The following EXT1 variants were observed in gnomAD, a reference collection of about 807,000 sequenced individuals.
EXT1 encodes exostosin-1.
Under a neutral mutation model 82.5 loss-of-function variants are expected in EXT1, and 20 were observed. The ratio of observed to expected loss-of-function variants is 0.24; its 90% CI spans 0.17 to 0.35. The LOEUF (loss-of-function observed/expected upper bound fraction) is 0.35. Among genes scored for constraint, EXT1 ranks in the 10% least tolerant of loss-of-function variants. EXT1 has a pLI of 1.00. For synonymous variants in EXT1, 348 were observed against 350.8 expected, an observed-to-expected ratio of 0.99 and a Z score of 0.09; for missense variants, 757 against 936.5, an observed-to-expected ratio of 0.81 and a Z score of 2.50.
rs1430264779 is a variant in EXT1, at chr8:117,799,089, C to T, written c.*623G>A. ...AGAGATTTCAGTTAGAACTGCCTAC[C>T]TGGAAGTCGTAATACTTTCTTTCAT... On this transcript the variant is annotated 3_prime_UTR_variant, in exon 11 of 11. Coordinates refer to ENST00000378204, the MANE Select transcript of EXT1 (RefSeq NM_000127.3). 3 of 152,056 alleles carry T rather than the reference C, an allele frequency of 2.0e-5. No individual in the cohort carries two copies. The highest frequency in any genetic ancestry group is 4.4e-5 in the Non-Finnish European group (3 of 68,300). 9.4% of individuals were successfully genotyped at this position (152,056 alleles called of 1,614,324 possible).
At chr8:117,864,390 T>G (rs1013238552) in intron 1 of EXT1, among the ~76,000 whole-genome samples, 2 of 152,098 alleles carry the variant, frequency 1.3e-5, no homozygotes, top group African/African-American at 4.8e-5. Flanking sequence ...TGGGCCAGGA[T>G]GGAAGAAGAA....
At chr8:118,101,850 G>GTGGGGA in intron 1 of EXT1, among the ~76,000 whole-genome samples, 1 of 152,088 alleles carries the variant, frequency 6.6e-6, no homozygotes, top group Non-Finnish European at 1.5e-5. Flanking sequence ...GAGTTAGGGA[G>GTGGGGA]GACAGGACAG....
chr8:118,022,629 C>A (rs562937232), intron 1 of EXT1, among the ~76,000 whole-genome samples: 2 of 150,314 alleles, frequency 1.3e-5, no homozygotes, highest in African/African-American at 2.4e-5. Context: ...TGAGCCACCA[C>A]GCCTGGCCCA....
intron 1 of EXT1, among the ~76,000 whole-genome samples, chr8:117,895,058 T>C (rs1813312471): frequency 6.6e-6 from 1 of 152,208 alleles, no homozygotes; most frequent in African/African-American, 2.4e-5. Flanking sequence ...CAACCTCTGA[T>C]GGGTGAACTA....
In EXT1 at chr8:117,798,718, G is replaced by A. The variant is rs1418688492; in HGVS notation, c.*994C>T. ...TATTACCCCTTTTTCTTTCTCAAAA[G>A]AGAAACTCTGAAACTTGAGATTCTC... On this transcript the variant is annotated 3_prime_UTR_variant, in exon 11 of 11. Transcript: ENST00000378204. 6.6e-6 allele frequency: 1 copy of A among 152,080 alleles called. No homozygotes were observed. The highest frequency in any genetic ancestry group is 1.5e-5 in the Non-Finnish European group (1 of 68,004). 9.4% of individuals were successfully genotyped at this position (152,080 alleles called of 1,614,324 possible).
chr8:118,004,871 G>A (rs761569741), intron 1 of EXT1, among the ~76,000 whole-genome samples: 17 of 152,124 alleles, frequency 1.1e-4, no homozygotes, highest in South Asian at 4.1e-4. Context: ...TTGATTTACC[G>A]GATATGAGGC....
chr8:117,866,824 A>AT (rs1304729802), intron 1 of EXT1, among the ~76,000 whole-genome samples: 2 of 148,598 alleles, frequency 1.3e-5, no homozygotes, highest in East Asian at 3.9e-4. Context: ...AATGAAGTGC[A>AT]TTTTGTTCTG....
At chr8:117,855,097 T>A (rs949301560) in intron 1 of EXT1, among the ~76,000 whole-genome samples, 1 of 152,186 alleles carries the variant, frequency 6.6e-6, no homozygotes, top group Non-Finnish European at 1.5e-5. Flanking sequence ...CTGGATAAGA[T>A]AAAGCAGTCA....
intron 1 of EXT1, among the ~76,000 whole-genome samples, chr8:117,992,812 CA>C (rs1251337288): frequency 1.3e-5 from 2 of 152,214 alleles, no homozygotes; most frequent in Non-Finnish European, 2.9e-5. Context: ...GGCATGGGAA[CA>C]GACAGCTGTA....
intron 1 of EXT1, among the ~76,000 whole-genome samples, chr8:117,882,591 G>T (rs1043040922): frequency 1.3e-5 from 2 of 152,120 alleles, no homozygotes; most frequent in African/African-American, 4.8e-5. Context: ...GAAGCTGTAG[G>T]GGTACCCTAA....
rs190674493 is a variant in EXT1, at chr8:117,809,497, C to T, written c.1723-2120G>A. Reference sequence around the variant, plus strand: ...ACTAAAAATATAGAAATTGGCTGGGCGTGGTGTTGCACGCCTGTAATTCCA... The same window carrying T: ...ACTAAAAATATAGAAATTGGCTGGGTGTGGTGTTGCACGCCTGTAATTCCA... On this transcript the variant is annotated intron_variant, in intron 8 of 10. Coordinates refer to ENST00000378204, the MANE Select transcript of EXT1 (RefSeq NM_000127.3). 3.3e-4 allele frequency among the ~76,000 whole-genome samples: 50 copies of T among 151,538 alleles called. 1 individual carries two copies. The highest frequency in any genetic ancestry group is 2.7e-4 in the African/African-American group (11 of 41,338).
intron 1 of EXT1, among the ~76,000 whole-genome samples, chr8:118,100,293 T>G (rs1376449068): frequency 6.6e-6 from 1 of 152,176 alleles, no homozygotes; most frequent in African/African-American, 2.4e-5. Flanking sequence ...TTCTGCCCCA[T>G]GTCCCCTCAC....
chr8:117,882,736 G>C (rs1394499318), intron 1 of EXT1, among the ~76,000 whole-genome samples: 1 of 152,046 alleles, frequency 6.6e-6, no homozygotes, highest in Non-Finnish European at 1.5e-5. Context: ...CAGCACTTTG[G>C]GAGGCTGAGG....
At chr8:117,875,876 G>C (rs144260917) in intron 1 of EXT1, among the ~76,000 whole-genome samples, 1 of 152,304 alleles carries the variant, frequency 6.6e-6, no homozygotes, top group East Asian at 1.9e-4. Flanking sequence ...GCTTACTGCA[G>C]TGGGTAGAAC....
At chr8:117,848,399 C>T (rs1303952689) in intron 1 of EXT1, among the ~76,000 whole-genome samples, 1 of 152,072 alleles carries the variant, frequency 6.6e-6, no homozygotes, top group African/African-American at 2.4e-5. Context: ...TCACCTCTCC[C>T]TCCTCCTCCT....
rs34437784 is a variant in EXT1, at chr8:118,088,684, CTT to C, written c.962+21399_962+21400del. ...CAATGAGAAAAATGTGATGCCTTCT[CTT>C]TTTTTTTTTTTTCCTCTGCTTTTGT... is the stretch of plus-strand genomic sequence containing the variant. On this transcript the variant is annotated intron_variant, in intron 1 of 10. Coordinates refer to ENST00000378204, the MANE Select transcript of EXT1 (RefSeq NM_000127.3). Among the ~76,000 whole-genome samples, 589 of 144,864 alleles carry C rather than the reference CTT, an allele frequency of 4.1e-3. 2 individuals are homozygous for C. The highest frequency in any genetic ancestry group is 0.011 in the African/African-American group (432 of 39,404).
At chr8:117,922,563 C>T (rs1421594723) in intron 1 of EXT1, among the ~76,000 whole-genome samples, 3 of 152,110 alleles carry the variant, frequency 2.0e-5, no homozygotes, top group African/African-American at 7.2e-5. Context: ...TTGAGGAATT[C>T]TCCATTGTGA....
intron 1 of EXT1, among the ~76,000 whole-genome samples, chr8:117,983,531 C>A (rs75682675): frequency 0.019 from 2,921 of 152,118 alleles, 36 homozygotes; most frequent in Middle Eastern, 0.031. Flanking sequence ...GCAACATGGA[C>A]GCTCAGTAGT....
intron 1 of EXT1, among the ~76,000 whole-genome samples, chr8:117,900,728 C>A (rs751617946): frequency 6.6e-6 from 1 of 152,218 alleles, no homozygotes; most frequent in African/African-American, 2.4e-5. Context: ...GTTCCTAAGC[C>A]CTCTGCTCTC....
Sources: allele counts gnomAD v4.1 joint callset (sites outside exome capture counted in the v4.1 genomes callset), GRCh38; gene constraint gnomAD v4.1.1; transcripts MANE v1.5; gene names NCBI Gene and HGNC (gene_info 2026-07-23, HGNC 2026-07-21).